Variants in TIAM1 observed in about 807,000 individuals in gnomAD.
TIAM1 encodes the protein rho guanine nucleotide exchange factor TIAM1.
In TIAM1, 65 loss-of-function variants were observed where a neutral mutation model predicts 163.5. The ratio of observed to expected loss-of-function variants is 0.40; its 90% confidence interval spans 0.33 to 0.49. The LOEUF (loss-of-function observed/expected upper bound fraction) is 0.49. Among genes scored for constraint, TIAM1 ranks in the 20% least tolerant of loss-of-function variants. The pLI, the probability that TIAM1 is intolerant of heterozygous loss-of-function variation, is 0.77. For synonymous variants in TIAM1, 833 were observed against 810.1 expected (o/e 1.03, Z -0.48); for missense variants, 1,789 against 2,044.7 (o/e 0.87, Z 2.41).
intron 2 of TIAM1, among the ~76,000 whole-genome samples, chr21:31,436,155 T>C (rs2044200998): frequency 6.6e-6 from 1 of 152,158 alleles, no homozygotes; most frequent in African/African-American, 2.4e-5. Context: ...CAGCAACACT[T>C]ACTGCACTAT....
chr21:31,347,204 A>T (rs1199467130), upstream of TIAM1, among the ~76,000 whole-genome samples: 2 of 152,200 alleles, frequency 1.3e-5, no homozygotes, highest in Non-Finnish European at 2.9e-5. Flanking sequence ...CACGTTACAT[A>T]AACCCTGCTG....
rs2077051649 is a variant in TIAM1 at position 31,395,541 on chromosome 21, C to G, written c.-368-56119G>C. Among the ~76,000 whole-genome samples the G allele has an allele frequency of 6.6e-6, 1 of 152,184 alleles. No individual in the cohort carries two copies. Among genetic ancestry groups the G allele is most frequent in the African/African-American group, 2.4e-5 (1 of 41,436 alleles). ...CACAGAGGCGAAGAGAAGGGCCAAC[C>G]CTGCATTTTCTGCCACAGGAGAATG... On this transcript the variant is annotated intron_variant, in intron 2 of 28. Transcript: ENST00000286827. The surrounding 1 kb of genome is among the most constrained non-coding windows in gnomAD (Gnocchi z 7.5).
chr21:31,497,520 T>G (rs1034407672), intron 1 of TIAM1, among the ~76,000 whole-genome samples: 1 of 152,186 alleles, frequency 6.6e-6, no homozygotes, highest in Non-Finnish European at 1.5e-5. Context: ...GATAAGAAAC[T>G]GGTACCATTA....
In TIAM1 at chr21:31,366,533, G is replaced by A. The variant is rs114788994; in HGVS notation, c.-368-27111C>T. On this transcript the variant is annotated intron_variant, in intron 2 of 28. Coordinates refer to the TIAM1 transcript ENST00000286827. ...GAAAGCTCAATGTCATCTTCATGGTGAGCACTATGTAGCCATATCCTACAG... is the reference window on the plus strand; with the variant it reads ...GAAAGCTCAATGTCATCTTCATGGTAAGCACTATGTAGCCATATCCTACAG... Among the ~76,000 whole-genome samples the A allele has an allele frequency of 2.2e-3, 337 of 152,262 alleles. 2 individuals carry two copies. Among genetic ancestry groups the A allele is most frequent in the African/African-American group, 7.8e-3 (322 of 41,540 alleles).
intron 1 of TIAM1, among the ~76,000 whole-genome samples, chr21:31,495,963 G>T (rs1004363367): frequency 6.6e-6 from 1 of 150,404 alleles, no homozygotes; most frequent in Non-Finnish European, 1.5e-5. Flanking sequence ...CAGAGTGAGG[G>T]TCTCAAAAAA....
intron 4 of TIAM1, among the ~76,000 whole-genome samples, chr21:31,259,917 CA>C (rs1228424551): frequency 4.6e-5 from 7 of 151,540 alleles, no homozygotes; most frequent in Admixed American, 3.3e-4. Context: ...CTCTGTCCCA[CA>C]TCTTTTATTT....
intron 1 of TIAM1, among the ~76,000 whole-genome samples, chr21:31,476,498 C>T (rs892999547): frequency 6.6e-6 from 1 of 152,216 alleles, no homozygotes; most frequent in Admixed American, 6.5e-5. Flanking sequence ...TTTGTGTGTA[C>T]TTGTTCTTTA....
At chr21:31,125,710 G>A (rs899040156) in intron 26 of TIAM1, among the ~76,000 whole-genome samples, 2 of 152,236 alleles carry the variant, frequency 1.3e-5, no homozygotes, top group Non-Finnish European at 2.9e-5. Flanking sequence ...AACTAGCTGG[G>A]ATTAAAGGCA....
At position 31,146,998 on chromosome 21, in the gene TIAM1, C is replaced by T. The variant is rs370058905; in HGVS notation, c.3372G>A (p.Val1124=). The change falls in exon 20 of 28, where the codon GTG becomes GTA. Residue 1124 remains valine (V), a synonymous_variant. Coordinates refer to ENST00000541036, the MANE Select transcript of TIAM1 (RefSeq NM_001353694.2). ...GGAATGATCCCCCCAGAGAGAACAG[C>T]ACTTTCTGGATTTGACGAGAAAAGG... ...KLEKVDQFKK[V]LFSLGGSFLY... 7 of 1,612,762 alleles carry T rather than the reference C, an allele frequency of 4.3e-6. No individual in the cohort carries two copies. The East Asian group carries it at 1.3e-4, about 31-fold the overall frequency.
intron 1 of TIAM1, among the ~76,000 whole-genome samples, chr21:31,505,738 AT>A (rs894993292): frequency 6.6e-6 from 1 of 151,968 alleles, no homozygotes; most frequent in African/African-American, 2.4e-5. Flanking sequence ...ACGGCATCAG[AT>A]TTTTTTTGTA....
chr21:31,142,706 T>C (rs557349656), intron 20 of TIAM1, among the ~76,000 whole-genome samples: 1 of 151,126 alleles, frequency 6.6e-6, no homozygotes, highest in African/African-American at 2.4e-5. Context: ...AGCAGCAGCA[T>C]CTCGCAGTGC....
At chr21:31,262,769 G>GAA (rs2072548038) in intron 4 of TIAM1, among the ~76,000 whole-genome samples, 1 of 152,130 alleles carries the variant, frequency 6.6e-6, no homozygotes, top group Non-Finnish European at 1.5e-5. Flanking sequence ...TCCAGGCTTA[G>GAA]AGGTCATGCT....
chr21:31,147,176 A>T (rs1421130454), intron 19 of TIAM1, among the ~76,000 whole-genome samples, 173 bp from the exon 20 acceptor site: 4 of 152,110 alleles, frequency 2.6e-5, no homozygotes, highest in African/African-American at 9.7e-5. Context: ...ATTACAAAGT[A>T]TGTGCTTGTA....
intron 16 of TIAM1, among the ~76,000 whole-genome samples, chr21:31,157,027 T>C (rs1430563214): frequency 1.3e-5 from 2 of 152,360 alleles, no homozygotes; most frequent in South Asian, 2.1e-4. Context: ...ACATGGTTTA[T>C]AGGTTCTTGG....
At chr21:31,230,082 A>G (rs1601633443) in intron 6 of TIAM1, among the ~76,000 whole-genome samples, 2 of 152,286 alleles carry the variant, frequency 1.3e-5, no homozygotes, top group Middle Eastern at 6.8e-3. Flanking sequence ...GGGGCGGTCC[A>G]CATCCATATC....
intron 1 of TIAM1, among the ~76,000 whole-genome samples, chr21:31,537,527 G>A (rs1381653460): frequency 6.6e-6 from 1 of 152,000 alleles, no homozygotes; most frequent in Non-Finnish European, 1.5e-5. Context: ...TAAGGTGGGT[G>A]GATCGCTCGA....
At chr21:31,552,259 G>A (rs1474890001) in intron 1 of TIAM1, among the ~76,000 whole-genome samples, 1 of 151,734 alleles carries the variant, frequency 6.6e-6, no homozygotes, top group Non-Finnish European at 1.5e-5. Flanking sequence ...CACCCAGCCT[G>A]CACATTATTT....
chr21:31,308,313 C>T (rs2146979270), intron 2 of TIAM1, among the ~76,000 whole-genome samples: 1 of 152,168 alleles, frequency 6.6e-6, no homozygotes, highest in Non-Finnish European at 1.5e-5. Context: ...GGTAGGTAAC[C>T]TCCGTCTCAT....
intron 2 of TIAM1, among the ~76,000 whole-genome samples, chr21:31,313,726 C>T (rs2075011850): frequency 6.6e-6 from 1 of 152,174 alleles, no homozygotes; most frequent in African/African-American, 2.4e-5. Flanking sequence ...CAAGCATGCA[C>T]CTCCACACCC....
Sources: gnomAD v4.1 joint callset for allele counts (sites outside exome capture counted in the v4.1 genomes callset) on GRCh38, gnomAD v4.1.1 for gene constraint, Gnocchi (gnomAD v3.1) non-coding constraint, MANE v1.5 for transcripts, NCBI Gene and HGNC (gene_info 2026-07-23, HGNC 2026-07-21) for gene names.